EIF4B: variants seen among roughly 807,000 people sequenced by gnomAD.
EIF4B encodes eukaryotic translation initiation factor 4B.
In EIF4B, 8 loss-of-function variants were observed where a neutral mutation model predicts 79.3. The observed-to-expected ratio is 0.10, with a 90% CI of 0.06 to 0.18. EIF4B has a LOEUF of 0.18. EIF4B is among the 10% of genes least tolerant of loss of function. The pLI, the probability that EIF4B is intolerant of heterozygous loss-of-function variation, is 1.00. For missense variants in EIF4B, 515 were observed against 792.4 expected, an observed-to-expected ratio of 0.65 and a Z score of 4.20; for synonymous variants, 238 against 274.7, an observed-to-expected ratio of 0.87 and a Z score of 1.32.
intron 5 of EIF4B, chr12:53,022,165 ATCTAGATGAACAT>A (rs1328049262): frequency 1.2e-5 from 8 of 665,320 alleles, no homozygotes; most frequent in Non-Finnish European, 2.2e-5. Flanking sequence ...AGACTGATTG[ATCTAGATGAACAT>A]TAAATAGATG....
At chr12:53,011,516 G>C (rs1416801273) in intron 1 of EIF4B, among the ~76,000 whole-genome samples, 3 of 152,190 alleles carry the variant, frequency 2.0e-5, no homozygotes, top group Non-Finnish European at 4.4e-5. Flanking sequence ...GGTTGTCAGA[G>C]TGGAATGGGG....
chr12:53,027,827 G>A lies in EIF4B; in HGVS notation c.713G>A (p.Arg238Gln), dbSNP rs1360904489. The change falls in exon 7 of 15, where the codon CGG becomes CAG. Residue 238 changes from arginine (R) to glutamine (Q), a missense_variant. Arg to Gln is a conservative substitution (Grantham distance 43). Around this residue, in one of 6 missense-constraint regions of EIF4B, gnomAD observed 187 missense variants for 256.5 expected, o/e 0.73. Transcript: ENST00000262056. ...YDSDRYRDGY[R>Q]DGYRDGPRRD... ...TCAGACCGGTATCGGGATGGGTATC[G>A]GGATGGGTATCGGGATGGCCCACGC... is the stretch of plus-strand genomic sequence containing the variant. The A allele has an allele frequency of 1.9e-6, 3 of 1,612,208 alleles. No homozygotes were observed. The highest frequency in any genetic ancestry group is 2.7e-5 in the African/African-American group (2 of 74,944).
In EIF4B at chr12:53,019,675, C is replaced by CTTTT. The variant is rs34225588; in HGVS notation, c.361-221_361-218dup. The stretch of plus-strand genomic sequence containing the variant: ...GCCACTGCACCTGGCCTGAATTAAT[C>CTTTT]TTTTTTTTTTTTTTTTTAGAGTTAA... On this transcript the variant is annotated intron_variant, in intron 3 of 14. Coordinates refer to ENST00000262056, the MANE Select transcript of EIF4B (RefSeq NM_001417.7). 9.8e-5 allele frequency among the ~76,000 whole-genome samples: 13 copies of CTTTT among 132,330 alleles called. 1 individual carries two copies. Among genetic ancestry groups the CTTTT allele is most frequent in the Admixed American group, 2.3e-4 (3 of 12,826 alleles). The allele number at this position is 132,330 out of a possible 152,430, so 86.8% of individuals were successfully genotyped here.
chr12:53,014,246 TAA>T (rs776521252), intron 1 of EIF4B, among the ~76,000 whole-genome samples: 30 of 133,084 alleles, frequency 2.3e-4, no homozygotes, highest in Admixed American at 2.3e-4. Context: ...ACTGTGAAAC[TAA>T]AAAAAAAAAA....
Position 53,040,618 on chromosome 12 carries a change from C to G in EIF4B, c.*395C>G, listed in dbSNP as rs1388963317. The G allele has an allele frequency of 1.3e-5, 2 of 158,160 alleles. No homozygotes were observed. Among genetic ancestry groups the G allele is most frequent in the Non-Finnish European group, 2.8e-5 (2 of 71,864 alleles). 9.8% of individuals were successfully genotyped at this position (158,160 alleles called of 1,614,324 possible). On this transcript the variant is annotated 3_prime_UTR_variant, in exon 15 of 15. Coordinates refer to ENST00000262056, the MANE Select transcript of EIF4B (RefSeq NM_001417.7). ...AGAAGGAAAAGTGTGAGATTTCTAC[C>G]TTTTAGTTTTTATCCTATTGTGGCA...
At chr12:53,019,424 T>G in intron 3 of EIF4B, among the ~76,000 whole-genome samples, 1 of 34,134 alleles carries the variant, frequency 2.9e-5, no homozygotes, top group Non-Finnish European at 8.9e-5. Context: ...AAATCAAAAT[T>G]ATATATATAT....
At chr12:53,017,655 G>T (rs957625595) in intron 2 of EIF4B, among the ~76,000 whole-genome samples, 3 of 152,102 alleles carry the variant, frequency 2.0e-5, no homozygotes, top group South Asian at 2.1e-4. Flanking sequence ...TGCAAGTGGC[G>T]CACTCTCTGC....
At chr12:53,021,696 C>CT in intron 4 of EIF4B, 110 bp from the exon 5 acceptor site, 2 of 1,285,808 alleles carry the variant, frequency 1.6e-6, no homozygotes, top group African/African-American at 1.5e-5. Context: ...CAGTGTTTTC[C>CT]TTTATCTTCC....
intron 1 of EIF4B, among the ~76,000 whole-genome samples, chr12:53,013,228 A>G (rs115019703): frequency 0.025 from 3,772 of 152,304 alleles, 80 homozygotes; most frequent in Non-Finnish European, 0.035. Flanking sequence ...CAGATTGTTA[A>G]TGTTCTTTTG....
intron 1 of EIF4B, among the ~76,000 whole-genome samples, chr12:53,012,681 C>G (rs1442059597): frequency 1.3e-5 from 2 of 150,250 alleles, no homozygotes; most frequent in Non-Finnish European, 3.0e-5. Context: ...TCTCAGCTCA[C>G]TGCAAGCTCC....
At chr12:53,030,443 C>T (rs1405568830) in intron 8 of EIF4B, among the ~76,000 whole-genome samples, 5 of 16,878 alleles carry the variant, frequency 3.0e-4, no homozygotes, top group Non-Finnish European at 6.8e-4. Context: ...TTTTTTGAGA[C>T]GGAGTCTCTC....
chr12:53,017,145 C>T (rs1017884265), intron 2 of EIF4B, among the ~76,000 whole-genome samples: 2 of 151,786 alleles, frequency 1.3e-5, no homozygotes, highest in African/African-American at 2.4e-5. Context: ...TTCAGCTACT[C>T]GGGAGGCTGG....
At chr12:53,021,612 C>A in intron 4 of EIF4B, 194 bp from the exon 5 acceptor site, 1 of 683,022 alleles carries the variant, frequency 1.5e-6, no homozygotes, top group Non-Finnish European at 2.7e-6. Context: ...TATTCAAGGC[C>A]AGCTTAAATT....
chr12:53,026,435 AAAC>A lies in EIF4B; in HGVS notation c.668-1342_668-1340del, dbSNP rs139873510. ...GTGTGTAAAATATAGTTTATAACAT[AAAC>A]AACATTGCAATGAATGTCTTTGTAC... On this transcript the variant is annotated intron_variant, in intron 6 of 14. Coordinates refer to ENST00000262056, the MANE Select transcript of EIF4B (RefSeq NM_001417.7). Among the ~76,000 whole-genome samples, 1,042 of 152,322 alleles carry A rather than the reference AAAC, an allele frequency of 6.8e-3. 11 individuals carry two copies. Among genetic ancestry groups the A allele is most frequent in the African/African-American group, 0.024 (979 of 41,560 alleles).
chr12:53,039,432 A>T (rs1178869969), intron 13 of EIF4B, 89 bp downstream of exon 13: 1 of 1,265,984 alleles, frequency 7.9e-7, no homozygotes, highest in African/African-American at 1.5e-5. Flanking sequence ...GCACTGCCAG[A>T]TCGCTCATTG....
intron 8 of EIF4B, among the ~76,000 whole-genome samples, chr12:53,029,537 A>G (rs1255385361): frequency 1.3e-5 from 2 of 152,006 alleles, no homozygotes; most frequent in African/African-American, 4.8e-5. Flanking sequence ...CACCATGCCC[A>G]GCTAATTTTT....
intron 8 of EIF4B, among the ~76,000 whole-genome samples, chr12:53,032,178 C>T (rs759415269): frequency 1.8e-4 from 27 of 152,140 alleles, no homozygotes; most frequent in Non-Finnish European, 3.4e-4. Context: ...GGCGTGGTGG[C>T]TCACATCTGT....
chr12:53,028,384 T>C (rs1411163490), intron 8 of EIF4B, among the ~76,000 whole-genome samples, 196 bp downstream of exon 8: 2 of 151,984 alleles, frequency 1.3e-5, no homozygotes, highest in Non-Finnish European at 2.9e-5. Flanking sequence ...GAGACCATCC[T>C]GGCTAATGGT....
At chr12:53,023,739 A>G (rs760281479) in intron 6 of EIF4B, among the ~76,000 whole-genome samples, 46 of 150,742 alleles carry the variant, frequency 3.1e-4, no homozygotes, top group Non-Finnish European at 6.1e-4. Context: ...ATGTGCCACC[A>G]TGCCTGGCTA....
Sources: allele counts gnomAD v4.1 joint callset (sites outside exome capture counted in the v4.1 genomes callset), GRCh38; gene constraint gnomAD v4.1.1; regional missense constraint gnomAD v4.1.1; transcripts MANE v1.5; gene names NCBI Gene and HGNC (gene_info 2026-07-23, HGNC 2026-07-21).